HYKK: variants seen among roughly 807,000 people sequenced by gnomAD.
HYKK encodes the protein 5-hydroxy-L-lysine kinase.
A neutral mutation model predicts 29.7 loss-of-function variants in HYKK; 19 were observed. The ratio of observed to expected loss-of-function variants is 0.64; its 90% CI spans 0.45 to 0.94. HYKK has a LOEUF of 0.94. HYKK is among the 40% of genes least tolerant of loss of function. HYKK has a pLI of 0.00. For missense variants in HYKK, 390 were observed against 443.4 expected, an observed-to-expected ratio of 0.88 and a Z score of 1.08; for synonymous variants, 152 against 158.1, an observed-to-expected ratio of 0.96 and a Z score of 0.29.
At chr15:78,530,220 A>G in intron 4 of HYKK, among the ~76,000 whole-genome samples, 1 of 85,016 alleles carries the variant, frequency 1.2e-5, no homozygotes, top group Non-Finnish European at 2.5e-5. Context: ...TTTTTTTTTG[A>G]GCTGGAGTCT....
At chr15:78,519,121 C>T (rs1002454102) in intron 3 of HYKK, among the ~76,000 whole-genome samples, 6 of 152,094 alleles carry the variant, frequency 3.9e-5, no homozygotes, top group Non-Finnish European at 5.9e-5. Flanking sequence ...TTCTCTGAAC[C>T]ATTTATTCCA....
At chr15:78,508,972 C>T (rs2052043979) in intron 1 of HYKK, among the ~76,000 whole-genome samples, 1 of 150,438 alleles carries the variant, frequency 6.6e-6, no homozygotes, top group Non-Finnish European at 1.5e-5. Context: ...CCCTTGAGCC[C>T]AGGAGTTGGA....
Position 78,518,481 on chromosome 15 carries a change from T to C in HYKK, c.477+3374T>C, listed in dbSNP as rs75882841. ...TGAGCCACCACACCTGGGCCCCTTG[T>C]TTGTTTTCATTCTCTCAGGGATCAC... On this transcript the variant is annotated intron_variant, in intron 3 of 4. Coordinates refer to ENST00000388988, the MANE Select transcript of HYKK (RefSeq NM_001013619.4). 8.6e-3 allele frequency: 3,490 copies of C among 407,744 alleles called. 344 individuals carry two copies. The East Asian group carries it at 0.23, about 26-fold the overall frequency. 25.3% of individuals were successfully genotyped at this position (407,744 alleles called of 1,614,324 possible). A position where few individuals can be genotyped will look rare whatever the true frequency, so the allele number is the denominator to read the frequency against.
In HYKK at chr15:78,527,680, T is replaced by A. The variant is rs1425738040; in HGVS notation, c.661+117T>A. ...TCAAATCTTAAAATTTTGCCATATT[T>A]GCTCCTATTGCTTTTTAAATAATAA... On this transcript the variant is annotated intron_variant, in intron 4 of 4. Coordinates refer to ENST00000388988, the MANE Select transcript of HYKK (RefSeq NM_001013619.4). The A allele has an allele frequency of 1.7e-5, 25 of 1,440,498 alleles. No homozygotes were observed. In the East Asian group the frequency reaches 6.0e-4, roughly 35 times the overall value. 89.2% of individuals were successfully genotyped at this position (1,440,498 alleles called of 1,614,324 possible).
chr15:78,528,804 A>G (rs2052283241), intron 4 of HYKK: 1 of 967,186 alleles, frequency 1.0e-6, no homozygotes, highest in South Asian at 4.8e-5. Flanking sequence ...CCGTCTCCAA[A>G]AAAAAAAAAG....
At chr15:78,527,169 C>G (rs1160121676) in intron 3 of HYKK, among the ~76,000 whole-genome samples, 1 of 151,796 alleles carries the variant, frequency 6.6e-6, no homozygotes, top group Non-Finnish European at 1.5e-5. Flanking sequence ...GCCTGTGATC[C>G]CAGCTACTCG....
chr15:78,534,971 T>A lies in HYKK; in HGVS notation c.*1301T>A, dbSNP rs1009314809. The A allele has an allele frequency of 6.6e-6, 1 of 152,266 alleles. No individual in the cohort carries two copies. Among genetic ancestry groups the A allele is most frequent in the Non-Finnish European group, 1.5e-5 (1 of 68,048 alleles). The allele number at this position is 152,266 out of a possible 1,614,324, so 9.4% of individuals were successfully genotyped here. A position where few individuals can be genotyped will look rare whatever the true frequency, so the allele number is the denominator to read the frequency against. On this transcript the variant is annotated 3_prime_UTR_variant, in exon 5 of 5. Transcript: ENST00000388988. ...GACTGAAGCTCACTGTATTCTTGGC[T>A]GACGGTATCCCACTGTGTTTCCTTC...
chr15:78,530,822 C>T (rs1181087733), intron 4 of HYKK, among the ~76,000 whole-genome samples: 1 of 152,104 alleles, frequency 6.6e-6, no homozygotes, highest in East Asian at 1.9e-4. Flanking sequence ...GGATTACAGG[C>T]ATAAGCCAAT....
In HYKK at chr15:78,513,312, CA is replaced by C. The variant is rs745306590; in HGVS notation, c.225del (p.Asp76ThrfsTer2). ...KISNTKASKN[P>X]DLIEVQNHII... ...AGCAACACCAAGGCTAGCAAAAATC[CA>C]GACCTGATTGAAGTGCAGAATCACA... On this transcript the variant is annotated frameshift_variant, in exon 2 of 5. Transcript: ENST00000388988. LOFTEE classifies it high-confidence loss of function. 1.9e-6 allele frequency: 3 copies of C among 1,614,172 alleles called. No homozygotes were observed. The highest frequency in any genetic ancestry group is 2.5e-6 in the Non-Finnish European group (3 of 1,180,008).
At chr15:78,508,880 C>CACAAAAAAAAA (rs1306957438) in intron 1 of HYKK, among the ~76,000 whole-genome samples, 1 of 55,614 alleles carries the variant, frequency 1.8e-5, no homozygotes, top group Non-Finnish European at 3.1e-5. Context: ...CCTCTCTCTC[C>CACAAAAAAAAA]AAAAAAAAAA....
At chr15:78,508,594 G>T (rs967526346) in intron 1 of HYKK, among the ~76,000 whole-genome samples, 23 of 152,114 alleles carry the variant, frequency 1.5e-4, no homozygotes, top group African/African-American at 5.5e-4. Flanking sequence ...GGCTTTTTCA[G>T]GAGCTAAATA....
intron 1 of HYKK, among the ~76,000 whole-genome samples, chr15:78,510,042 G>A (rs1881873626): frequency 6.6e-6 from 1 of 151,922 alleles, no homozygotes; most frequent in Admixed American, 6.6e-5. Context: ...TAGCGTTTGA[G>A]GGTTACCTCT....
chr15:78,514,929 A>G, intron 2 of HYKK, 39 bp from the exon 3 acceptor site: 1 of 683,632 alleles, frequency 1.5e-6, no homozygotes, highest in Non-Finnish European at 2.0e-6. Flanking sequence ...TATATATATA[A>G]ATAATTTAGT....
chr15:78,510,671 G>A (rs980087651), intron 1 of HYKK, among the ~76,000 whole-genome samples: 64 of 152,268 alleles, frequency 4.2e-4, no homozygotes, highest in African/African-American at 1.4e-3. Context: ...CAGGCATATG[G>A]TCTGATTTTT....
chr15:78,529,188 CT>C (rs1244393204), intron 4 of HYKK, among the ~76,000 whole-genome samples: 1 of 152,168 alleles, frequency 6.6e-6, no homozygotes, highest in Admixed American at 6.6e-5. Context: ...CTTGTCTTCC[CT>C]TTTTTTTCTC....
rs1023765365 is a variant in HYKK at position 78,515,085 on chromosome 15, C to T, written c.455C>T (p.Ala152Val). 1.9e-6 allele frequency: 3 copies of T among 1,594,638 alleles called. No individual in the cohort carries two copies. Among genetic ancestry groups the T allele is most frequent in the African/African-American group, 2.7e-5 (2 of 73,924 alleles). ...TTGTATGAAATTGGAAAACTAGCTG[C>T]CAAATTGGATAAGACACTGCAGGTA... ...QLLYEIGKLA[A>V]KLDKTLQRFH... Residue 152 changes from alanine (A) to valine (V), a missense_variant, in exon 3 of 5, where the codon GCC (alanine) becomes GTC (valine). By Grantham distance (64) the Ala-to-Val change is moderately conservative (BLOSUM62 0). Coordinates refer to ENST00000388988, the MANE Select transcript of HYKK (RefSeq NM_001013619.4).
intron 3 of HYKK, chr15:78,518,710 G>T (rs2052160939): frequency 2.6e-6 from 1 of 389,140 alleles, no homozygotes; most frequent in African/African-American, 2.1e-5. Flanking sequence ...CTGAAGTCAG[G>T]AGTTAGAGAC....
At chr15:78,532,552 T>G (rs1456418498) in intron 4 of HYKK, among the ~76,000 whole-genome samples, 1 of 152,178 alleles carries the variant, frequency 6.6e-6, no homozygotes, top group Non-Finnish European at 1.5e-5. Flanking sequence ...CCCAGCACTT[T>G]GGGAGGCTGA....
intron 1 of HYKK, among the ~76,000 whole-genome samples, chr15:78,510,715 C>CT (rs200049096): frequency 1.3e-5 from 2 of 151,956 alleles, no homozygotes; most frequent in African/African-American, 4.8e-5. Context: ...TCCACCTCCT[C>CT]TGTCCTAGCC....
Sources: gnomAD v4.1 joint callset for allele counts (sites outside exome capture counted in the v4.1 genomes callset) on GRCh38, gnomAD v4.1.1 for gene constraint, MANE v1.5 for transcripts, NCBI Gene and HGNC (gene_info 2026-07-23, HGNC 2026-07-21) for gene names.